The following ANO3 variants were observed in gnomAD, a reference collection of about 807,000 sequenced individuals.
ANO3 encodes anoctamin 3.
ANO3 carries 99 observed loss-of-function variants against 144.8 expected under a neutral mutation model. That is an observed-to-expected ratio of 0.68 (90% CI 0.58 to 0.81). ANO3 has a LOEUF of 0.81. ANO3 is among the 30% of genes least tolerant of loss of function. The pLI is 0.00. For synonymous variants in ANO3, 414 were observed against 392.6 expected (o/e 1.05, Z -0.64); for missense variants, 905 against 1,202.2 (o/e 0.75, Z 3.66).
intron 14 of ANO3, among the ~76,000 whole-genome samples, chr11:26,581,296 G>A (rs1029824230): frequency 7.2e-6 from 1 of 139,730 alleles, no homozygotes; most frequent in Non-Finnish European, 1.5e-5. Context: ...TTGGAAATAT[G>A]GTGCAATTCC....
chr11:26,433,981 T>G (rs1858206085), intron 1 of ANO3, among the ~76,000 whole-genome samples: 1 of 152,220 alleles, frequency 6.6e-6, no homozygotes, highest in Non-Finnish European at 1.5e-5. Flanking sequence ...CTATCAGCTC[T>G]TCTTTATCCA....
intron 1 of ANO3, among the ~76,000 whole-genome samples, chr11:26,430,093 A>G (rs1244749818): frequency 6.6e-6 from 1 of 152,180 alleles, no homozygotes; most frequent in South Asian, 2.1e-4. Flanking sequence ...AAAATACAAA[A>G]CAATAAAAAA....
rs138543921 is a variant in ANO3, at chr11:26,593,741, G to A, written c.1448-4624G>A. On this transcript the variant is annotated intron_variant, in intron 14 of 26. Coordinates refer to ENST00000256737, the MANE Select transcript of ANO3 (RefSeq NM_031418.4). ...TTGGACAATCTTTTTTAAAGTGTCCGTGTAGGCCGCAGTGGAAGCAAGCCC... is the reference window on the plus strand; with the variant it reads ...TTGGACAATCTTTTTTAAAGTGTCCATGTAGGCCGCAGTGGAAGCAAGCCC... Among the ~76,000 whole-genome samples, 870 of 152,248 alleles carry A rather than the reference G, an allele frequency of 5.7e-3. 12 individuals are homozygous for A. Among genetic ancestry groups the A allele is most frequent in the South Asian group, 0.046 (221 of 4,814 alleles).
chr11:26,410,892 A>C (rs1052125427), intron 1 of ANO3, among the ~76,000 whole-genome samples: 1 of 152,004 alleles, frequency 6.6e-6, no homozygotes, highest in African/African-American at 2.4e-5. Flanking sequence ...TTGGGAGGAT[A>C]GGCTGCCTGT....
In ANO3 at chr11:26,385,820, CACAT is replaced by C. The variant is rs545451843; in HGVS notation, c.46+53503_46+53506del. On this transcript the variant is annotated intron_variant, in intron 1 of 26. Transcript: ENST00000256737. The stretch of plus-strand genomic sequence containing the variant: ...TTGAGTGTGATGTCCAAGTTTCACA[CACAT>C]ACACACACACACACACACACACACA... 4.6e-3 allele frequency among the ~76,000 whole-genome samples: 502 copies of C among 108,756 alleles called. 4 individuals carry two copies. Among genetic ancestry groups the C allele is most frequent in the African/African-American group, 0.022 (478 of 22,100 alleles). 71.3% of individuals were successfully genotyped at this position (108,756 alleles called of 152,430 possible). A position where few individuals can be genotyped will look rare whatever the true frequency, so the allele number is the denominator to read the frequency against.
intron 5 of ANO3, among the ~76,000 whole-genome samples, chr11:26,516,234 G>A (rs1176577828): frequency 6.6e-6 from 1 of 151,468 alleles, no homozygotes; most frequent in African/African-American, 2.4e-5. Context: ...TCTAGTCAAA[G>A]ACACTTTAGT....
At chr11:26,454,005 A>G (rs1305727607) in intron 3 of ANO3, among the ~76,000 whole-genome samples, 1 of 152,216 alleles carries the variant, frequency 6.6e-6, no homozygotes, top group African/African-American at 2.4e-5. Flanking sequence ...GAAGGCAGAA[A>G]TAAAGATGTT....
At chr11:26,355,278 T>G (rs560759190) in intron 1 of ANO3, among the ~76,000 whole-genome samples, 1 of 152,300 alleles carries the variant, frequency 6.6e-6, no homozygotes, top group African/African-American at 2.4e-5. Context: ...ATGTCTTTTT[T>G]TACATTTATG....
intron 5 of ANO3, among the ~76,000 whole-genome samples, chr11:26,514,788 C>A (rs1169279595): frequency 6.6e-6 from 1 of 151,934 alleles, no homozygotes; most frequent in South Asian, 2.1e-4. Context: ...TTTCACTTGC[C>A]CTGGATGAAG....
chr11:26,211,293 A>C (rs188126008), intron 1 of ANO3, among the ~76,000 whole-genome samples: 1 of 152,262 alleles, frequency 6.6e-6, no homozygotes, highest in Admixed American at 6.5e-5. Context: ...GAAATAAATA[A>C]GTTCTTTGAA....
intron 14 of ANO3, among the ~76,000 whole-genome samples, chr11:26,588,286 A>G (rs115827553): frequency 0.011 from 1,727 of 152,240 alleles, 44 homozygotes; most frequent in African/African-American, 0.039. Flanking sequence ...GGATTAGTAA[A>G]TAACAATTTA....
chr11:26,332,457 A>AAATT (rs561498390), intron 1 of ANO3, 136 bp downstream of exon 1: 7 of 871,896 alleles, frequency 8.0e-6, no homozygotes, highest in Middle Eastern at 2.8e-4. Context: ...AAAAAAAAAA[A>AAATT]AAATTAAATT....
At chr11:26,586,612 C>T (rs1353186047) in intron 14 of ANO3, among the ~76,000 whole-genome samples, 5 of 150,632 alleles carry the variant, frequency 3.3e-5, no homozygotes, top group African/African-American at 9.8e-5. Context: ...ACGCCATTCT[C>T]CTGCCTCAGC....
intron 5 of ANO3, among the ~76,000 whole-genome samples, chr11:26,515,785 G>A (rs1861840527): frequency 6.6e-6 from 1 of 151,894 alleles, no homozygotes; most frequent in Non-Finnish European, 1.5e-5. Flanking sequence ...AACCTGGTGG[G>A]TGCATCTAAA....
At chr11:26,429,224 C>A (rs962454183) in intron 1 of ANO3, among the ~76,000 whole-genome samples, 1 of 152,088 alleles carries the variant, frequency 6.6e-6, no homozygotes, top group East Asian at 1.9e-4. Context: ...CTGTGGGAAA[C>A]CAACAATGGA....
At chr11:26,445,600 A>C (rs1858673866) in intron 3 of ANO3, among the ~76,000 whole-genome samples, 1 of 151,952 alleles carries the variant, frequency 6.6e-6, no homozygotes, top group Non-Finnish European at 1.5e-5. Flanking sequence ...AGCATCCCCC[A>C]GCATCAATCT....
chr11:26,656,275 G>A, intron 25 of ANO3, 70 bp downstream of exon 25: 6 of 1,500,164 alleles, frequency 4.0e-6, no homozygotes, highest in Non-Finnish European at 5.6e-6. Flanking sequence ...TGTTAATGAG[G>A]ACATTTAAAC....
chr11:26,322,029 T>C (rs888441470), intron 1 of ANO3, among the ~76,000 whole-genome samples: 1 of 152,068 alleles, frequency 6.6e-6, no homozygotes, highest in African/African-American at 2.4e-5. Context: ...TGTCTTCTTA[T>C]AATGTTATTT....
chr11:26,210,657 C>T (rs1446369427), intron 1 of ANO3, among the ~76,000 whole-genome samples: 1 of 151,994 alleles, frequency 6.6e-6, no homozygotes, highest in Non-Finnish European at 1.5e-5. Flanking sequence ...CTCTTATTTC[C>T]TTGAGCAGTG....
Sources: allele counts gnomAD v4.1 joint callset (sites outside exome capture counted in the v4.1 genomes callset), GRCh38; gene constraint gnomAD v4.1.1; transcripts MANE v1.5; gene names NCBI Gene and HGNC (gene_info 2026-07-23, HGNC 2026-07-21).